GRIP1: variants seen among roughly 807,000 people sequenced by gnomAD.
GRIP1 encodes the protein glutamate receptor interacting protein 1.
GRIP1 carries 45 observed loss-of-function variants against 129.9 expected under a neutral mutation model. That is an observed-to-expected ratio of 0.35 (90% confidence interval 0.27 to 0.44). GRIP1 has a LOEUF of 0.44. Among genes scored for constraint, GRIP1 ranks in the 20% least tolerant of loss-of-function variants. The pLI is 1.00. For missense variants in GRIP1, 1,196 were observed against 1,396.8 expected (o/e 0.86, Z 2.29); for synonymous variants, 530 against 520.8 (o/e 1.02, Z -0.24).
intron 23 of GRIP1, among the ~76,000 whole-genome samples, chr12:66,355,917 G>A (rs371806441): frequency 2.0e-5 from 3 of 152,192 alleles, no homozygotes. Flanking sequence ...GAAAGAGAGT[G>A]TGAACTAAGA....
intron 1 of GRIP1, among the ~76,000 whole-genome samples, chr12:67,042,100 C>A (rs2043189842): frequency 6.6e-6 from 1 of 152,182 alleles, no homozygotes; most frequent in African/African-American, 2.4e-5. Context: ...AGGATGCATT[C>A]AGCCCCCTTC....
At chr12:66,837,871 C>G (rs1281076251) in intron 1 of GRIP1, among the ~76,000 whole-genome samples, 1 of 152,090 alleles carries the variant, frequency 6.6e-6, no homozygotes, top group Non-Finnish European at 1.5e-5. Flanking sequence ...CTAGATTTTA[C>G]TTGGGCTATT....
intron 1 of GRIP1, among the ~76,000 whole-genome samples, chr12:66,979,252 A>AAAAAAAC (rs772753895): frequency 0.11 from 12,402 of 109,822 alleles, 1,100 homozygotes; most frequent in Non-Finnish European, 0.16. Context: ...AAAAAAAAAA[A>AAAAAAAC]AACAAGCCCG....
chr12:66,784,251 G>C (rs1011441104), intron 1 of GRIP1, among the ~76,000 whole-genome samples: 2 of 152,086 alleles, frequency 1.3e-5, no homozygotes, highest in Non-Finnish European at 2.9e-5. Context: ...CACTCCCACA[G>C]CAGACATCAC....
chr12:66,395,600 T>C (rs896206508), intron 16 of GRIP1, among the ~76,000 whole-genome samples: 2 of 152,238 alleles, frequency 1.3e-5, no homozygotes, highest in African/African-American at 2.4e-5. Flanking sequence ...TCGCCAGCAC[T>C]TACTTCACTT....
intron 7 of GRIP1, among the ~76,000 whole-genome samples, chr12:66,486,944 C>A (rs1189665183): frequency 2.6e-5 from 4 of 152,086 alleles, no homozygotes; most frequent in Non-Finnish European, 5.9e-5. Context: ...GTGTGTGCCA[C>A]TGCACCCAAC....
chr12:66,708,856 G>A (rs955561570), intron 1 of GRIP1, among the ~76,000 whole-genome samples: 18 of 151,398 alleles, frequency 1.2e-4, no homozygotes, highest in Non-Finnish European at 2.7e-4. Flanking sequence ...TTTAGTTGTG[G>A]TTGACTCCCT....
intron 1 of GRIP1, among the ~76,000 whole-genome samples, chr12:66,689,869 G>A (rs73128865): frequency 0.19 from 28,419 of 151,596 alleles, 2,902 homozygotes; most frequent in African/African-American, 0.27. Context: ...ACTCTTTTAT[G>A]AATTGGACAT....
chr12:66,838,187 TAAAA>T (rs56259335), intron 1 of GRIP1, among the ~76,000 whole-genome samples: 2 of 137,516 alleles, frequency 1.5e-5, no homozygotes, highest in Non-Finnish European at 1.5e-5. Context: ...AGACTCCACC[TAAAA>T]AAAAAAAAAA....
chr12:66,578,084 C>T (rs1384092331), intron 2 of GRIP1, among the ~76,000 whole-genome samples: 2 of 152,126 alleles, frequency 1.3e-5, no homozygotes, highest in East Asian at 1.9e-4. Flanking sequence ...ATGAGTGAAA[C>T]TGCTGAAAAC....
At chr12:66,670,113 A>G (rs1293844170) in intron 1 of GRIP1, among the ~76,000 whole-genome samples, 1 of 152,188 alleles carries the variant, frequency 6.6e-6, no homozygotes, top group Non-Finnish European at 1.5e-5. Context: ...AGCTATGTCC[A>G]TTAGCATTGA....
intron 19 of GRIP1, among the ~76,000 whole-genome samples, chr12:66,386,871 A>C (rs1158640024): frequency 6.6e-6 from 1 of 152,248 alleles, no homozygotes; most frequent in East Asian, 1.9e-4. Flanking sequence ...CAAAGTATTC[A>C]GATGAGGCTG....
chr12:66,809,280 T>C (rs1334683342), intron 1 of GRIP1, among the ~76,000 whole-genome samples: 1 of 152,234 alleles, frequency 6.6e-6, no homozygotes. Flanking sequence ...TAACCTTTCC[T>C]AGATCAGCGA....
chr12:67,011,280 C>T (rs1388409427), intron 1 of GRIP1, among the ~76,000 whole-genome samples: 2 of 152,158 alleles, frequency 1.3e-5, no homozygotes, highest in Admixed American at 6.5e-5. Flanking sequence ...GCCCTCTTTA[C>T]TCAACACATG....
chr12:66,447,099 T>C (rs1338750512), intron 11 of GRIP1, among the ~76,000 whole-genome samples: 4 of 152,242 alleles, frequency 2.6e-5, no homozygotes, highest in Non-Finnish European at 5.9e-5. Flanking sequence ...GGGAGACCCC[T>C]GAGGTTTTCC....
intron 1 of GRIP1, among the ~76,000 whole-genome samples, chr12:66,921,478 T>G (rs1648912090): frequency 6.6e-6 from 1 of 152,178 alleles, no homozygotes; most frequent in Non-Finnish European, 1.5e-5. Flanking sequence ...TTAAAATATT[T>G]CCCAGGTGAA....
intron 1 of GRIP1, among the ~76,000 whole-genome samples, chr12:66,721,515 T>C (rs1261889347): frequency 6.6e-6 from 1 of 152,062 alleles, no homozygotes; most frequent in African/African-American, 2.4e-5. Flanking sequence ...ACTCAGGTGA[T>C]CCTTCCACCT....
chr12:67,063,956 T>C (rs892333966), intron 1 of GRIP1, among the ~76,000 whole-genome samples: 1 of 152,202 alleles, frequency 6.6e-6, no homozygotes, highest in African/African-American at 2.4e-5. Flanking sequence ...TCCCAGTTTT[T>C]CACAGTAAGG....
chr12:66,710,862 A>C (rs1374731518), intron 1 of GRIP1, among the ~76,000 whole-genome samples: 1 of 151,912 alleles, frequency 6.6e-6, no homozygotes, highest in African/African-American at 2.4e-5. Flanking sequence ...ATATCTCTGA[A>C]ATGCTCTTAT....
Sources: gnomAD v4.1 joint callset for allele counts (sites outside exome capture counted in the v4.1 genomes callset) on GRCh38, gnomAD v4.1.1 for gene constraint, MANE v1.5 for transcripts, NCBI Gene and HGNC (gene_info 2026-07-23, HGNC 2026-07-21) for gene names.